Variants in CAMK2A observed in about 807,000 individuals in gnomAD.
CAMK2A encodes calcium/calmodulin-dependent protein kinase type II subunit alpha.
In CAMK2A, 7 loss-of-function variants were observed where a neutral mutation model predicts 79.2. That is an observed-to-expected ratio of 0.09 (90% CI 0.05 to 0.17). CAMK2A has a LOEUF of 0.17. Among genes scored for constraint, CAMK2A ranks in the 10% least tolerant of loss-of-function variants. CAMK2A has a pLI of 1.00. For missense variants in CAMK2A, 214 were observed against 646.4 expected, an observed-to-expected ratio of 0.33 and a Z score of 7.25; for synonymous variants, 242 against 251.7, an observed-to-expected ratio of 0.96 and a Z score of 0.36.
At chr5:150,264,580 G>A (rs901377006) in intron 3 of CAMK2A, among the ~76,000 whole-genome samples, 3 of 152,222 alleles carry the variant, frequency 2.0e-5, no homozygotes, top group East Asian at 3.8e-4. Flanking sequence ...CGACGGAGGA[G>A]GGCAGGGCCA....
chr5:150,244,898 G>A (rs960169094), intron 13 of CAMK2A, among the ~76,000 whole-genome samples: 3 of 151,932 alleles, frequency 2.0e-5, no homozygotes, highest in Non-Finnish European at 4.4e-5. Context: ...CCCTTTCCTT[G>A]CGCCTGCCCC....
At chr5:150,266,867 T>TG (rs561626076) in intron 2 of CAMK2A, among the ~76,000 whole-genome samples, 2 of 151,706 alleles carry the variant, frequency 1.3e-5, no homozygotes, top group Admixed American at 6.6e-5. Context: ...GGTATGCGGG[T>TG]GGGGGGGTGG....
chr5:150,269,942 G>A (rs1002319801), intron 2 of CAMK2A, among the ~76,000 whole-genome samples: 1 of 152,148 alleles, frequency 6.6e-6, no homozygotes, highest in Non-Finnish European at 1.5e-5. Context: ...CTGGTGCCCC[G>A]AGACTTGTCA....
At chr5:150,239,050 G>A (rs1295766478) in intron 14 of CAMK2A, among the ~76,000 whole-genome samples, 2 of 152,160 alleles carry the variant, frequency 1.3e-5, no homozygotes, top group African/African-American at 4.8e-5. Flanking sequence ...GGGTGTGGAG[G>A]AGCAGAGAGA....
intron 11 of CAMK2A, among the ~76,000 whole-genome samples, chr5:150,248,677 A>G (rs540442021): frequency 7.9e-5 from 12 of 151,862 alleles, no homozygotes; most frequent in Admixed American, 3.9e-4. Context: ...ATCATTTTTT[A>G]TGGCTGCATA....
chr5:150,287,183 G>A (rs952731233), intron 1 of CAMK2A, among the ~76,000 whole-genome samples: 3 of 152,180 alleles, frequency 2.0e-5, no homozygotes, highest in South Asian at 2.1e-4. Flanking sequence ...TCAGGGGTGC[G>A]GAATCAGTCC....
chr5:150,283,651 A>G (rs1420531138), intron 1 of CAMK2A, among the ~76,000 whole-genome samples: 1 of 152,166 alleles, frequency 6.6e-6, no homozygotes, highest in Non-Finnish European at 1.5e-5. Flanking sequence ...GCAGCTCACA[A>G]TTCCATGTGT....
chr5:150,268,663 G>C (rs1371601786), intron 2 of CAMK2A, among the ~76,000 whole-genome samples: 1 of 152,246 alleles, frequency 6.6e-6, no homozygotes, highest in African/African-American at 2.4e-5. Flanking sequence ...GCGTGGCATA[G>C]AGCTGCTAAG....
chr5:150,245,183 T>C lies in CAMK2A; in HGVS notation c.962A>G (p.Asn321Ser). 1 of 1,613,940 alleles carries C rather than the reference T, an allele frequency of 6.2e-7. No individual in the cohort carries two copies. Among genetic ancestry groups the C allele is most frequent in the Non-Finnish European group, 8.5e-7 (1 of 1,179,942 alleles). ...RNFSGGKSGG[N>S]KKSDGVKKRK... ...TACCTTCACACCATCGCTCTTCTTGTTTCCCCCACTCTTCCCTCCTGTGGA... is the reference window on the plus strand; with the variant it reads ...TACCTTCACACCATCGCTCTTCTTGCTTCCCCCACTCTTCCCTCCTGTGGA... The change falls in exon 13 of 19, where the codon AAC (asparagine) becomes AGC (serine). Residue 321 changes from asparagine (N) to serine (S), a missense_variant. Coordinates refer to ENST00000671881, the MANE Select transcript of CAMK2A (RefSeq NM_015981.4).
At position 150,264,003 on chromosome 5, in the gene CAMK2A, G is replaced by A. The variant is rs139077992; in HGVS notation, c.217+953C>T. 4.7e-3 allele frequency among the ~76,000 whole-genome samples: 723 copies of A among 152,292 alleles called. 5 individuals are homozygous for A. Among genetic ancestry groups the A allele is most frequent in the African/African-American group, 0.017 (692 of 41,546 alleles). The stretch of plus-strand genomic sequence containing the variant: ...CTCTGGCAGGAGAGTTAACCCTTGG[G>A]GCCCTGGGCACGGAGAGAGGCTTCC... On this transcript the variant is annotated intron_variant, in intron 3 of 18. Transcript: ENST00000671881.
chr5:150,269,367 G>A (rs577571984), intron 2 of CAMK2A, among the ~76,000 whole-genome samples: 1 of 152,190 alleles, frequency 6.6e-6, no homozygotes, highest in Admixed American at 6.5e-5. Flanking sequence ...GGTGGGACAG[G>A]ACAGGGCAGG....
At chr5:150,280,225 C>T (rs559248877) in intron 1 of CAMK2A, among the ~76,000 whole-genome samples, 16 of 152,280 alleles carry the variant, frequency 1.1e-4, no homozygotes, top group Admixed American at 5.2e-4. Flanking sequence ...TGAGTCTCAG[C>T]AAACAGGAAC....
intron 3 of CAMK2A, among the ~76,000 whole-genome samples, chr5:150,263,905 G>C (rs766312556): frequency 8.5e-5 from 13 of 152,222 alleles, no homozygotes; most frequent in Non-Finnish European, 1.8e-4. Flanking sequence ...GCTGGTCCCG[G>C]AGCCTCTGGC....
Position 150,221,126 on chromosome 5 carries a change from T to G in CAMK2A, c.*1584A>C, listed in dbSNP as rs1294953514. 4.3e-6 allele frequency: 1 copy of G among 235,092 alleles called. No homozygotes were observed. The highest frequency in any genetic ancestry group is 8.1e-6 in the Non-Finnish European group (1 of 122,858). 14.6% of individuals were successfully genotyped at this position (235,092 alleles called of 1,614,324 possible). Reference sequence around the variant, plus strand: ...ACACTGAGAATACAACCTCTATTTTTTTTTTTAGTCCAAAACATGTAGATT... The same window carrying G: ...ACACTGAGAATACAACCTCTATTTTGTTTTTTAGTCCAAAACATGTAGATT... On this transcript the variant is annotated 3_prime_UTR_variant, in exon 19 of 19. Coordinates refer to ENST00000671881, the MANE Select transcript of CAMK2A (RefSeq NM_015981.4).
intron 15 of CAMK2A, 56 bp from the exon 16 acceptor site, chr5:150,231,436 A>G (rs1580899922): frequency 5.8e-6 from 4 of 689,000 alleles, no homozygotes; most frequent in Non-Finnish European, 6.3e-6. Flanking sequence ...AATAATAATA[A>G]TAATAATAGT....
chr5:150,241,340 T>C (rs1411990182), intron 13 of CAMK2A, among the ~76,000 whole-genome samples: 2 of 138,690 alleles, frequency 1.4e-5, no homozygotes, highest in Non-Finnish European at 3.1e-5. Context: ...CTCCTCTCCT[T>C]CCTCTCCTCC....
intron 3 of CAMK2A, among the ~76,000 whole-genome samples, chr5:150,258,470 C>T (rs886192259): frequency 6.6e-6 from 1 of 152,230 alleles, no homozygotes; most frequent in Non-Finnish European, 1.5e-5. Flanking sequence ...TAAAATAATG[C>T]GGCAGTTATG....
chr5:150,267,194 G>A (rs1311087949), intron 2 of CAMK2A, among the ~76,000 whole-genome samples: 1 of 152,176 alleles, frequency 6.6e-6, no homozygotes, highest in Non-Finnish European at 1.5e-5. Context: ...GCAGAGGAAG[G>A]GATGCCCATC....
At position 150,252,667 on chromosome 5, in the gene CAMK2A, G is replaced by A. The variant is rs758687784; in HGVS notation, c.515-602C>T. ...GTCAGTTCAAATAATGGACACCTGA[G>A]GTATTCTAACAAGCACTTTTAAGAA... On this transcript the variant is annotated intron_variant, in intron 7 of 18. Coordinates refer to ENST00000671881, the MANE Select transcript of CAMK2A (RefSeq NM_015981.4). Among the ~76,000 whole-genome samples the A allele has an allele frequency of 6.8e-4, 103 of 152,318 alleles. 1 individual carries two copies. The Middle Eastern group carries it at 0.014, about 20-fold the overall frequency.
Sources: gnomAD v4.1 joint callset for allele counts (sites outside exome capture counted in the v4.1 genomes callset) on GRCh38, gnomAD v4.1.1 for gene constraint, MANE v1.5 for transcripts, NCBI Gene and HGNC (gene_info 2026-07-23, HGNC 2026-07-21) for gene names.